The following ACVR1 variants were observed in gnomAD, a reference collection of about 807,000 sequenced individuals.
ACVR1 encodes the protein activin receptor type-1.
In ACVR1, 38 loss-of-function variants were observed where a neutral mutation model predicts 57.1. The ratio of observed to expected loss-of-function variants is 0.67; its 90% confidence interval spans 0.51 to 0.87. ACVR1 has a LOEUF of 0.87. Among genes scored for constraint, ACVR1 ranks in the 40% least tolerant of loss-of-function variants. The probability of loss-of-function intolerance (pLI) is 0.00; values close to 1 mark genes in which losing one functional copy is unlikely to be tolerated. For missense variants in ACVR1, 463 were observed against 638.2 expected, an observed-to-expected ratio of 0.73 and a Z score of 2.96; for synonymous variants, 212 against 228.1, an observed-to-expected ratio of 0.93 and a Z score of 0.63.
intron 3 of ACVR1, among the ~76,000 whole-genome samples, chr2:157,786,547 C>G (rs1342239674): frequency 6.6e-6 from 1 of 152,174 alleles, no homozygotes; most frequent in Non-Finnish European, 1.5e-5. Context: ...GCCATACCAT[C>G]ACATCTGTTC....
chr2:157,754,160 G>A (rs1685325527), intron 9 of ACVR1, among the ~76,000 whole-genome samples: 1 of 152,148 alleles, frequency 6.6e-6, no homozygotes, highest in South Asian at 2.1e-4. Context: ...CAAAACATCT[G>A]AAAGAGCACA....
intron 9 of ACVR1, among the ~76,000 whole-genome samples, chr2:157,755,958 A>T (rs1486190197): frequency 2.0e-5 from 3 of 152,172 alleles, no homozygotes; most frequent in Non-Finnish European, 4.4e-5. Flanking sequence ...TACTGGTATA[A>T]AAATAGGCAC....
At chr2:157,779,029 T>C (rs1250085300) in intron 4 of ACVR1, among the ~76,000 whole-genome samples, 6 of 152,146 alleles carry the variant, frequency 3.9e-5, no homozygotes, top group Non-Finnish European at 8.8e-5. Flanking sequence ...CAAGCCCAAC[T>C]AATCAACAGC....
chr2:157,794,570 A>G (rs1412574527), intron 3 of ACVR1, among the ~76,000 whole-genome samples: 2 of 151,544 alleles, frequency 1.3e-5, no homozygotes, highest in African/African-American at 4.8e-5. Context: ...GCTCTTGAAC[A>G]CCATTCCTCA....
intron 2 of ACVR1, among the ~76,000 whole-genome samples, chr2:157,814,407 A>G (rs1687860660): frequency 6.6e-6 from 1 of 152,248 alleles, no homozygotes; most frequent in Admixed American, 6.5e-5. Flanking sequence ...GAAAAATGCA[A>G]ATTAAAGCAC....
At chr2:157,770,257 T>C (rs888541377) in intron 7 of ACVR1, 111 bp downstream of exon 7, 3 of 1,209,824 alleles carry the variant, frequency 2.5e-6, no homozygotes, top group African/African-American at 1.5e-5. Context: ...GATCCCTATA[T>C]TGCTTTTTAG....
At chr2:157,787,779 G>C (rs1378638832) in intron 3 of ACVR1, among the ~76,000 whole-genome samples, 1 of 152,092 alleles carries the variant, frequency 6.6e-6, no homozygotes, top group Non-Finnish European at 1.5e-5. Context: ...TGAGAATTTT[G>C]GTTTTACAGG....
chr2:157,819,201 C>A (rs1688064566), intron 1 of ACVR1, among the ~76,000 whole-genome samples: 1 of 151,272 alleles, frequency 6.6e-6, no homozygotes, highest in Non-Finnish European at 1.5e-5. Flanking sequence ...TTGCCACACA[C>A]AAAATCAAAC....
chr2:157,788,193 G>A (rs1686782773), intron 3 of ACVR1, among the ~76,000 whole-genome samples: 1 of 152,136 alleles, frequency 6.6e-6, no homozygotes, highest in South Asian at 2.1e-4. Context: ...AGTGAACAAA[G>A]TAACTTCCAG....
intron 3 of ACVR1, among the ~76,000 whole-genome samples, chr2:157,783,456 C>A (rs1034004457): frequency 3.0e-4 from 45 of 152,286 alleles, no homozygotes; most frequent in African/African-American, 1.1e-3. Context: ...AGGCTTTAAT[C>A]CTGCAGGGTC....
intron 3 of ACVR1, among the ~76,000 whole-genome samples, chr2:157,789,251 C>T (rs1337985756): frequency 6.6e-6 from 1 of 152,190 alleles, no homozygotes; most frequent in South Asian, 2.1e-4. Flanking sequence ...TGCTGTGAAG[C>T]TGAACTGGCT....
intron 3 of ACVR1, among the ~76,000 whole-genome samples, chr2:157,797,887 T>C (rs775864983): frequency 6.6e-5 from 10 of 152,062 alleles, no homozygotes; most frequent in Non-Finnish European, 1.2e-4. Context: ...TGTGCTGATA[T>C]AAAAGAGATC....
intron 1 of ACVR1, among the ~76,000 whole-genome samples, chr2:157,828,319 G>C (rs77471282): frequency 0.021 from 3,213 of 152,038 alleles, 55 homozygotes; most frequent in African/African-American, 0.045. Flanking sequence ...GCATGATGGC[G>C]GATGCCTGTA....
chr2:157,836,243 T>C (rs75292602), intron 1 of ACVR1, among the ~76,000 whole-genome samples: 300 of 152,320 alleles, frequency 2.0e-3, no homozygotes, highest in African/African-American at 7.0e-3. Flanking sequence ...ATGCCTAACA[T>C]AAAGGCTTTA....
chr2:157,819,165 T>C (rs1315524342), intron 1 of ACVR1, among the ~76,000 whole-genome samples: 1 of 151,252 alleles, frequency 6.6e-6, no homozygotes, highest in Non-Finnish European at 1.5e-5. Flanking sequence ...ATACACTATG[T>C]ACTCTAGCCC....
intron 1 of ACVR1, chr2:157,875,114 A>C (rs1290271401): frequency 6.6e-6 from 1 of 152,214 alleles, no homozygotes; most frequent in East Asian, 1.9e-4. Flanking sequence ...ATCTCTTCTT[A>C]GTGCGCCCGA....
intron 3 of ACVR1, among the ~76,000 whole-genome samples, chr2:157,794,321 G>A (rs1687027710): frequency 6.6e-6 from 1 of 152,174 alleles, no homozygotes; most frequent in African/African-American, 2.4e-5. Context: ...CCTGCAGCTA[G>A]AGTTGTATAT....
chr2:157,826,396 T>TCATATAGGTATATGAG (rs1339974404), intron 1 of ACVR1: 1 of 152,104 alleles, frequency 6.6e-6, no homozygotes, highest in Admixed American at 6.5e-5. Flanking sequence ...GCACAGTGGC[T>TCATATAGGTATATGAG]CATACCTATA....
At chr2:157,842,360 A>G (rs1373157244) in intron 1 of ACVR1, among the ~76,000 whole-genome samples, 3 of 152,214 alleles carry the variant, frequency 2.0e-5, no homozygotes, top group African/African-American at 7.2e-5. Context: ...GAACTGCAGC[A>G]AGTTCACTGC....
Sources: gnomAD v4.1 joint callset for allele counts (sites outside exome capture counted in the v4.1 genomes callset) on GRCh38, gnomAD v4.1.1 for gene constraint, MANE v1.5 for transcripts, NCBI Gene and HGNC (gene_info 2026-07-23, HGNC 2026-07-21) for gene names.